UBE2E2: variants seen among roughly 807,000 people sequenced by gnomAD.
The protein encoded by UBE2E2 is ubiquitin conjugating enzyme E2 E2, also known as ubiquitin-conjugating enzyme E2 E2.
A neutral mutation model predicts 24.7 loss-of-function variants in UBE2E2; 6 were observed. The ratio of observed to expected loss-of-function variants is 0.24; its 90% CI spans 0.13 to 0.48. The LOEUF (loss-of-function observed/expected upper bound fraction) is 0.48. UBE2E2 is among the 20% of genes least tolerant of loss of function. The probability of loss-of-function intolerance (pLI) is 0.99; values close to 1 mark genes in which losing one functional copy is unlikely to be tolerated. For synonymous variants in UBE2E2, 104 were observed against 83.6 expected (o/e 1.24, Z -1.33); for missense variants, 169 against 245.0 (o/e 0.69, Z 2.07).
chr3:23,232,496 GTA>G, intron 3 of UBE2E2, among the ~76,000 whole-genome samples: 1 of 150,440 alleles, frequency 6.6e-6, no homozygotes, highest in East Asian at 2.0e-4. Flanking sequence ...ATCAAACTGT[GTA>G]ACAAACTGTT....
intron 3 of UBE2E2, among the ~76,000 whole-genome samples, chr3:23,266,954 A>G (rs1041992494): frequency 2.0e-5 from 3 of 152,204 alleles, no homozygotes; most frequent in African/African-American, 7.2e-5. Context: ...CTGAATGACT[A>G]CTGGGTACAT....
intron 4 of UBE2E2, among the ~76,000 whole-genome samples, chr3:23,528,525 T>C (rs1212937566): frequency 6.6e-6 from 1 of 152,164 alleles, no homozygotes; most frequent in Non-Finnish European, 1.5e-5. Flanking sequence ...CCTGCCTCTT[T>C]CTTAAGTCTC....
intron 3 of UBE2E2, among the ~76,000 whole-genome samples, chr3:23,417,754 C>G (rs1284131328): frequency 6.6e-5 from 10 of 152,168 alleles, no homozygotes; most frequent in Non-Finnish European, 2.9e-5. Context: ...ATGCCCTGCC[C>G]CAGAAAGGAG....
chr3:23,376,718 G>A (rs1188422814), intron 3 of UBE2E2, among the ~76,000 whole-genome samples: 9 of 152,210 alleles, frequency 5.9e-5, no homozygotes, highest in Non-Finnish European at 2.9e-5. Flanking sequence ...GAATGATGTT[G>A]CCCTGTGGCA....
chr3:23,367,689 G>T (rs1696297723), intron 3 of UBE2E2, among the ~76,000 whole-genome samples: 1 of 152,160 alleles, frequency 6.6e-6, no homozygotes, highest in Non-Finnish European at 1.5e-5. Flanking sequence ...TGAACCCAAA[G>T]ACAGGGTTGC....
intron 3 of UBE2E2, among the ~76,000 whole-genome samples, chr3:23,234,423 A>C (rs112543093): frequency 6.6e-6 from 1 of 152,174 alleles, no homozygotes. Flanking sequence ...CATACATTCA[A>C]ATTCACTCAT....
intron 3 of UBE2E2, among the ~76,000 whole-genome samples, chr3:23,348,681 G>C (rs1417130044): frequency 1.3e-5 from 2 of 152,164 alleles, no homozygotes; most frequent in Non-Finnish European, 2.9e-5. Context: ...GCTAGGGTAA[G>C]AATGATACCT....
chr3:23,378,557 C>T (rs1432108646), intron 3 of UBE2E2, among the ~76,000 whole-genome samples: 1 of 152,146 alleles, frequency 6.6e-6, no homozygotes, highest in African/African-American at 2.4e-5. Context: ...CTTGGTAGCA[C>T]ATGTACCTAT....
At chr3:23,512,840 T>G (rs1694636722) in intron 4 of UBE2E2, among the ~76,000 whole-genome samples, 2 of 152,076 alleles carry the variant, frequency 1.3e-5, no homozygotes, top group Non-Finnish European at 2.9e-5. Flanking sequence ...AGCTACTCAG[T>G]AGGCCAATGC....
At chr3:23,516,727 C>T (rs987212805) in intron 4 of UBE2E2, among the ~76,000 whole-genome samples, 1 of 152,034 alleles carries the variant, frequency 6.6e-6, no homozygotes, top group Non-Finnish European at 1.5e-5. Context: ...TTACTTCCAA[C>T]CAGGCTAAAA....
Position 23,577,330 on chromosome 3 carries a change from TA to T in UBE2E2, c.509-12390del, listed in dbSNP as rs111540597. On this transcript the variant is annotated intron_variant, in intron 5 of 5. Transcript: ENST00000396703. ...TACTTTGATGAACACAGGAATGATT[TA>T]AAAAAAAAAAAAAGCAACACACCCT... Among the ~76,000 whole-genome samples the T allele has an allele frequency of 3.4e-3, 486 of 143,788 alleles. 6 individuals carry two copies. The highest frequency in any genetic ancestry group is 0.016 in the East Asian group (83 of 5,040). The allele number at this position is 143,788 out of a possible 152,430, so 94.3% of individuals were successfully genotyped here.
At chr3:23,507,068 G>A (rs1694476096) in intron 4 of UBE2E2, among the ~76,000 whole-genome samples, 1 of 152,142 alleles carries the variant, frequency 6.6e-6, no homozygotes, top group East Asian at 1.9e-4. Context: ...CAAAGTGCCA[G>A]CCATCATTTT....
At chr3:23,247,448 G>T (rs1000210272) in intron 3 of UBE2E2, among the ~76,000 whole-genome samples, 1 of 150,404 alleles carries the variant, frequency 6.6e-6, no homozygotes, top group Non-Finnish European at 1.5e-5. Context: ...TCTGCCTCCC[G>T]CGTACAAGCG....
At chr3:23,530,459 T>C (rs1695096659) in intron 4 of UBE2E2, among the ~76,000 whole-genome samples, 1 of 152,250 alleles carries the variant, frequency 6.6e-6, no homozygotes, top group Admixed American at 6.5e-5. Context: ...GTTTTCTTGA[T>C]GAGTTGTTTA....
chr3:23,356,366 G>A (rs1219507946), intron 3 of UBE2E2, among the ~76,000 whole-genome samples: 2 of 152,184 alleles, frequency 1.3e-5, no homozygotes, highest in Non-Finnish European at 2.9e-5. Context: ...ACTATTCCCA[G>A]AGTTGAGCAG....
chr3:23,280,642 C>T lies in UBE2E2; in HGVS notation c.227+63330C>T, dbSNP rs1698473275. 6.6e-6 allele frequency among the ~76,000 whole-genome samples: 1 copy of T among 152,196 alleles called. No individual in the cohort carries two copies. Among genetic ancestry groups the T allele is most frequent in the South Asian group, 2.1e-4 (1 of 4,824 alleles). On this transcript the variant is annotated intron_variant, in intron 3 of 5. Transcript: ENST00000396703. This position sits in a 1 kb window ranked among gnomAD's most constrained non-coding sequence, Gnocchi z 4.3. ...CAGAAATGGTGCCTTCTTTTGGTGG[C>T]ATTTGCCATAATTGTCCTAATAACT...
chr3:23,480,856 C>T (rs183929033), intron 3 of UBE2E2, among the ~76,000 whole-genome samples: 1 of 152,244 alleles, frequency 6.6e-6, no homozygotes, highest in Non-Finnish European at 1.5e-5. Context: ...TTAGAGAAAC[C>T]TTTCTAGTGT....
At chr3:23,391,864 C>T (rs528067051) in intron 3 of UBE2E2, among the ~76,000 whole-genome samples, 31 of 152,044 alleles carry the variant, frequency 2.0e-4, no homozygotes, top group South Asian at 2.1e-4. Context: ...ATAAATAGAA[C>T]GAAAGGGTGA....
chr3:23,523,398 A>G (rs568132500), intron 4 of UBE2E2, among the ~76,000 whole-genome samples: 1 of 152,304 alleles, frequency 6.6e-6, no homozygotes, highest in East Asian at 1.9e-4. Flanking sequence ...ACTTTTTTCA[A>G]TTTAAATGTC....
Sources: allele counts gnomAD v4.1 joint callset (sites outside exome capture counted in the v4.1 genomes callset), GRCh38; gene constraint gnomAD v4.1.1; non-coding constraint Gnocchi (gnomAD v3.1); transcripts MANE v1.5; gene names NCBI Gene and HGNC (gene_info 2026-07-23, HGNC 2026-07-21).